Variants in NSMCE1 observed in about 807,000 individuals in gnomAD.
NSMCE1 encodes the protein non-structural maintenance of chromosomes element 1 homolog.
In NSMCE1, 18 loss-of-function variants were observed where a neutral mutation model predicts 29.6. The observed-to-expected ratio is 0.61, with a 90% confidence interval of 0.42 to 0.90. The LOEUF is 0.90. NSMCE1 is among the 40% of genes least tolerant of loss of function. The probability of loss-of-function intolerance (pLI) is 0.00; values close to 1 mark genes in which losing one functional copy is unlikely to be tolerated. For missense variants in NSMCE1, 314 were observed against 343.6 expected (o/e 0.91, Z 0.68); for synonymous variants, 124 against 133.4 (o/e 0.93, Z 0.49).
chr16:27,248,686 G>A (rs2083986799), intron 2 of NSMCE1, among the ~76,000 whole-genome samples: 1 of 152,164 alleles, frequency 6.6e-6, no homozygotes, highest in Non-Finnish European at 1.5e-5. Flanking sequence ...TGGGATTACA[G>A]GTGTGAGCCA....
intron 5 of NSMCE1, among the ~76,000 whole-genome samples, chr16:27,227,236 C>A (rs2083708247): frequency 6.6e-6 from 1 of 152,364 alleles, no homozygotes; most frequent in Non-Finnish European, 1.5e-5. Context: ...CCACCCATCC[C>A]ACTCCCAAAA....
At chr16:27,227,014 G>A (rs917505852) in intron 5 of NSMCE1, among the ~76,000 whole-genome samples, 178 bp from the exon 6 acceptor site, 1 of 152,228 alleles carries the variant, frequency 6.6e-6, no homozygotes, top group Non-Finnish European at 1.5e-5. Flanking sequence ...CTCGGCAAGG[G>A]AAACTGAGGC....
chr16:27,256,605 GGC>G (rs2084089081), intron 2 of NSMCE1, among the ~76,000 whole-genome samples: 2 of 152,102 alleles, frequency 1.3e-5, no homozygotes, highest in African/African-American at 4.8e-5. Context: ...TACCCATATT[GGC>G]ACACAACTCA....
At chr16:27,236,443 T>G in intron 2 of NSMCE1, among the ~76,000 whole-genome samples, 1 of 152,072 alleles carries the variant, frequency 6.6e-6, no homozygotes, top group South Asian at 2.1e-4. Flanking sequence ...ATTACAGGCA[T>G]GCACCACCAC....
rs777086825 is a variant in NSMCE1 at position 27,233,114 on chromosome 16, C to A, written c.370G>T (p.Ala124Ser). 21 of 1,613,882 alleles carry A rather than the reference C, an allele frequency of 1.3e-5. No individual in the cohort carries two copies. Among genetic ancestry groups the A allele is most frequent in the African/African-American group, 1.3e-5 (1 of 74,920 alleles). ...ELIIDSETGF[A>S]SSTNILNLVD... ...AGGTTCAATATGTTTGTGGAAGACG[C>A]AAAGCCGGTTTCTGAGTCAATAATC... The change falls in exon 5 of 8, where the codon GCG becomes TCG. Residue 124 changes from alanine to serine, a missense_variant. Physicochemically the swap from Ala to Ser is moderately conservative, Grantham distance 99. Transcript: ENST00000361439.
chr16:27,236,261 G>A (rs1182685832), intron 2 of NSMCE1, among the ~76,000 whole-genome samples: 2 of 151,554 alleles, frequency 1.3e-5, no homozygotes, highest in Non-Finnish European at 2.9e-5. Context: ...GAAGGACATG[G>A]CCAGCGTTGT....
Position 27,246,686 on chromosome 16 carries a change from C to T in NSMCE1, c.136+10749G>A, listed in dbSNP as rs539267525. On this transcript the variant is annotated intron_variant, in intron 2 of 7. Transcript: ENST00000361439. ...TTTATTTTATGTAGATACAGTGTTTCGCCATGTTGCCCAGGTTTGTCTCAA... is the reference window on the plus strand; with the variant it reads ...TTTATTTTATGTAGATACAGTGTTTTGCCATGTTGCCCAGGTTTGTCTCAA... Among the ~76,000 whole-genome samples, 103 of 152,192 alleles carry T rather than the reference C, an allele frequency of 6.8e-4. 1 individual carries two copies. The South Asian group carries it at 0.021, about 31-fold the overall frequency.
At position 27,225,135 on chromosome 16, in the gene NSMCE1, GC is replaced by G; in HGVS notation, c.*21del. On this transcript the variant is annotated 3_prime_UTR_variant, in exon 8 of 8. Coordinates refer to ENST00000361439, the MANE Select transcript of NSMCE1 (RefSeq NM_145080.4). ...GCGATCAGGCCACTCAAGGCAGCCA[GC>G]CCCTCAGCAGGGCACGATGGCTAAT... 1 of 1,499,354 alleles carries G rather than the reference GC, an allele frequency of 6.7e-7. No individual in the cohort carries two copies. The allele number at this position is 1,499,354 out of a possible 1,614,324, so 92.9% of individuals were successfully genotyped here. A position where few individuals can be genotyped will look rare whatever the true frequency, so the allele number is the denominator to read the frequency against.
At chr16:27,239,759 C>T (rs1378696857) in intron 2 of NSMCE1, among the ~76,000 whole-genome samples, 1 of 152,138 alleles carries the variant, frequency 6.6e-6, no homozygotes, top group Non-Finnish European at 1.5e-5. Flanking sequence ...GAAAGAGATA[C>T]CCTAGCCAGG....
intron 7 of NSMCE1, 48 bp downstream of exon 7, chr16:27,225,678 C>T (rs748443382): frequency 5.6e-6 from 9 of 1,609,468 alleles, no homozygotes; most frequent in East Asian, 4.5e-5. Context: ...CCAGGCCCCA[C>T]GTCCTGCTGG....
Position 27,225,828 on chromosome 16 carries a change from A to G in NSMCE1, c.619T>C (p.Cys207Arg). 1 of 1,614,158 alleles carries G rather than the reference A, an allele frequency of 6.2e-7. No individual in the cohort carries two copies. The highest frequency in any genetic ancestry group is 8.5e-7 in the Non-Finnish European group (1 of 1,180,014). Residue 207 changes from cysteine (C) to arginine (R), a missense_variant, in exon 7 of 8, where the codon TGT becomes CGT. Transcript: ENST00000361439. ...CAGGGTAAGTGCATCCTGATCCCAC[A>G]GGTTTCGCAGCTTTGACCCTGAAAC... ...LLIQGQSCET[C>R]GIRMHLPCVA...
chr16:27,261,935 G>GA (rs2084162234), intron 1 of NSMCE1, among the ~76,000 whole-genome samples: 1 of 152,164 alleles, frequency 6.6e-6, no homozygotes, highest in Non-Finnish European at 1.5e-5. Flanking sequence ...ATTAATAAAG[G>GA]AAAAAGCATT....
At chr16:27,235,508 C>A (rs1392488632) in intron 2 of NSMCE1, among the ~76,000 whole-genome samples, 1 of 152,132 alleles carries the variant, frequency 6.6e-6, no homozygotes, top group Non-Finnish European at 1.5e-5. Context: ...AGATGGAGGG[C>A]GTTGTGAGGC....
At chr16:27,251,658 T>G (rs1398767230) in intron 2 of NSMCE1, among the ~76,000 whole-genome samples, 1 of 152,200 alleles carries the variant, frequency 6.6e-6, no homozygotes, top group Non-Finnish European at 1.5e-5. Flanking sequence ...TTCTCTTCAA[T>G]TTTACAGAAG....
chr16:27,260,628 T>G (rs1190624244), intron 1 of NSMCE1, among the ~76,000 whole-genome samples: 2 of 152,006 alleles, frequency 1.3e-5, no homozygotes, highest in East Asian at 1.9e-4. Flanking sequence ...GAGTTCCTTA[T>G]AGGCTGGGCA....
chr16:27,261,117 A>G (rs1291343862), intron 1 of NSMCE1, among the ~76,000 whole-genome samples: 4 of 146,360 alleles, frequency 2.7e-5, no homozygotes, highest in African/African-American at 7.6e-5. Context: ...CAGCGAGCTG[A>G]GATGGCACCA....
chr16:27,244,630 C>T (rs879671631), intron 2 of NSMCE1, among the ~76,000 whole-genome samples: 19 of 150,626 alleles, frequency 1.3e-4, no homozygotes, highest in Non-Finnish European at 2.7e-4. Context: ...CCTCATCACC[C>T]GAGCATCGCC....
At chr16:27,257,249 T>C in intron 2 of NSMCE1, 186 bp downstream of exon 2, 1 of 478,734 alleles carries the variant, frequency 2.1e-6, no homozygotes, top group South Asian at 4.8e-5. Flanking sequence ...AAATGTCAGG[T>C]TTACTTGGAA....
At chr16:27,231,743 G>A (rs1444035434) in intron 5 of NSMCE1, among the ~76,000 whole-genome samples, 3 of 152,196 alleles carry the variant, frequency 2.0e-5, no homozygotes, top group African/African-American at 7.2e-5. Context: ...AATACAGCCT[G>A]GAGGGCAAGA....
Sources: allele counts gnomAD v4.1 joint callset (sites outside exome capture counted in the v4.1 genomes callset), GRCh38; gene constraint gnomAD v4.1.1; transcripts MANE v1.5; gene names NCBI Gene and HGNC (gene_info 2026-07-23, HGNC 2026-07-21).